SPSB1: variants seen among roughly 807,000 people sequenced by gnomAD.
SPSB1 encodes SPRY domain-containing SOCS box protein 1.
Under a neutral mutation model 21.2 loss-of-function variants are expected in SPSB1, and 8 were observed. The ratio of observed to expected loss-of-function variants is 0.38; its 90% CI spans 0.22 to 0.68. The LOEUF (loss-of-function observed/expected upper bound fraction) is 0.68. SPSB1 is among the 30% of genes least tolerant of loss of function. The pLI, the probability that SPSB1 is intolerant of heterozygous loss-of-function variation, is 0.53. For synonymous variants in SPSB1, 169 were observed against 161.7 expected, an observed-to-expected ratio of 1.05 and a Z score of -0.34; for missense variants, 242 against 377.8, an observed-to-expected ratio of 0.64 and a Z score of 2.98.
At chr1:9,294,162 GTC>G (rs552130868) in intron 1 of SPSB1, among the ~76,000 whole-genome samples, 74 of 145,366 alleles carry the variant, frequency 5.1e-4, no homozygotes, top group South Asian at 1.6e-3. Context: ...GCAAGTTTGT[GTC>G]TCTGAGTGTC....
chr1:9,364,499 A>G (rs2100523552), intron 2 of SPSB1, among the ~76,000 whole-genome samples: 1 of 152,352 alleles, frequency 6.6e-6, no homozygotes, highest in Non-Finnish European at 1.5e-5. Flanking sequence ...TGGAGTCACC[A>G]GGCTGGGTGT....
At position 9,318,733 on chromosome 1, in the gene SPSB1, C is replaced by T. The variant is rs566209369; in HGVS notation, c.-150+25662C>T. 2.0e-5 allele frequency among the ~76,000 whole-genome samples: 3 copies of T among 152,324 alleles called. No individual in the cohort carries two copies. In the East Asian group the frequency reaches 5.8e-4, roughly 29 times the overall value. ...TGTCCATTCAGCAATTCGGGCAGCT[C>T]ACTCAGATCAGGGCCTCTGTCAGGC... On this transcript the variant is annotated intron_variant, in intron 1 of 2. Transcript: ENST00000328089.
intron 1 of SPSB1, among the ~76,000 whole-genome samples, chr1:9,349,764 C>A (rs755147533): frequency 6.6e-6 from 1 of 152,228 alleles, no homozygotes; most frequent in African/African-American, 2.4e-5. Context: ...GAGTTCCCAA[C>A]CCACCGTTTT....
At chr1:9,298,400 GAGTGAACGAATGAATGAATA>G (rs1253203957) in intron 1 of SPSB1, among the ~76,000 whole-genome samples, 1 of 107,432 alleles carries the variant, frequency 9.3e-6, no homozygotes, top group African/African-American at 4.8e-5. Context: ...ATGAATGAAT[GAGTGAACGAATGAATGAATA>G]AGTGAACGAA....
chr1:9,356,290 G>A lies in SPSB1; in HGVS notation c.399G>A (p.Val133=), dbSNP rs745638586. 288 of 1,613,482 alleles carry A rather than the reference G, an allele frequency of 1.8e-4. No homozygotes were observed. The highest frequency in any genetic ancestry group is 2.3e-4 in the Non-Finnish European group (277 of 1,180,028). The stretch of plus-strand genomic sequence containing the variant: ...ACTCTGTCGGGTACACAACCCTCGT[G>A]GGGAATAACCACGAGTCCTGGGGCT... The part of the protein sequence containing the change: ...PLHSVGYTTL[V]GNNHESWGWD... The change falls in exon 2 of 3, where the codon GTG becomes GTA. Residue 133 remains valine (V), a synonymous_variant. Coordinates refer to ENST00000328089, the MANE Select transcript of SPSB1 (RefSeq NM_025106.4). This position sits in a 1 kb window ranked among gnomAD's most constrained non-coding sequence, Gnocchi z 7.4.
At position 9,367,239 on chromosome 1, in the gene SPSB1, G is replaced by C. The variant is rs1006449630; in HGVS notation, c.695-209G>C. On this transcript the variant is annotated intron_variant, in intron 2 of 2. Transcript: ENST00000328089. The surrounding 1 kb of genome is among the most constrained non-coding windows in gnomAD (Gnocchi z 5.9). The stretch of plus-strand genomic sequence containing the variant: ...TGTGAGGATTAAATGAGTGTTAGCA[G>C]AGGGCTCGCCCAGGTGCCCAGCCCA... Among the ~76,000 whole-genome samples the C allele has an allele frequency of 2.0e-5, 3 of 152,238 alleles. No individual in the cohort carries two copies. The highest frequency in any genetic ancestry group is 7.2e-5 in the African/African-American group (3 of 41,462).
chr1:9,328,759 C>T (rs1639866572), intron 1 of SPSB1, among the ~76,000 whole-genome samples: 1 of 152,230 alleles, frequency 6.6e-6, no homozygotes, highest in Non-Finnish European at 1.5e-5. Context: ...GTCTTTTCAC[C>T]TGAAGCTCAC....
intron 1 of SPSB1, among the ~76,000 whole-genome samples, chr1:9,314,831 G>C (rs1407816007): frequency 6.6e-6 from 1 of 152,206 alleles, no homozygotes; most frequent in Non-Finnish European, 1.5e-5. Flanking sequence ...GCCCCCCGGG[G>C]TCAGGAAGGA....
In SPSB1 at chr1:9,305,436, G is replaced by A. The variant is rs1490092814; in HGVS notation, c.-150+12365G>A. ...GGCTCCAGGAGGGCAGGACCCGGCC[G>A]GCCACATGGCTGTTGTTCACGGCTG... On this transcript the variant is annotated intron_variant, in intron 1 of 2. Coordinates refer to ENST00000328089, the MANE Select transcript of SPSB1 (RefSeq NM_025106.4). The surrounding 1 kb of genome is among the most constrained non-coding windows in gnomAD (Gnocchi z 4.8). 1.3e-5 allele frequency among the ~76,000 whole-genome samples: 2 copies of A among 152,302 alleles called. No homozygotes were observed. Among genetic ancestry groups the A allele is most frequent in the African/African-American group, 2.4e-5 (1 of 41,572 alleles).
chr1:9,353,685 G>A (rs1049683842), intron 1 of SPSB1, among the ~76,000 whole-genome samples: 11 of 152,192 alleles, frequency 7.2e-5, no homozygotes, highest in Non-Finnish European at 1.0e-4. Context: ...TTGGCAGGCC[G>A]AGGTGGGTGA....
intron 1 of SPSB1, among the ~76,000 whole-genome samples, chr1:9,347,636 C>T (rs945995636): frequency 6.6e-6 from 1 of 152,226 alleles, no homozygotes; most frequent in Non-Finnish European, 1.5e-5. Flanking sequence ...CATCGTGTTA[C>T]ATTTTCTGTT....
At chr1:9,343,598 T>C (rs759400809) in intron 1 of SPSB1, among the ~76,000 whole-genome samples, 2 of 152,196 alleles carry the variant, frequency 1.3e-5, no homozygotes, top group Non-Finnish European at 2.9e-5. Flanking sequence ...ATTCATAAGC[T>C]CATCACTCTA....
chr1:9,360,052 G>C (rs1640444452), intron 2 of SPSB1, among the ~76,000 whole-genome samples: 1 of 152,166 alleles, frequency 6.6e-6, no homozygotes, highest in Admixed American at 6.5e-5. Flanking sequence ...GACACATCCA[G>C]GGGGCCCTGC....
At chr1:9,357,564 T>C (rs1640393986) in intron 2 of SPSB1, among the ~76,000 whole-genome samples, 1 of 152,204 alleles carries the variant, frequency 6.6e-6, no homozygotes, top group African/African-American at 2.4e-5. Flanking sequence ...TTAGAGTCTT[T>C]CTCTTCTGCC....
rs1274904761 is a variant in SPSB1, at chr1:9,369,264, C to G, written c.*1689C>G. Reference sequence around the variant, plus strand: ...AGACTTTTAAAGATTTTCCTCCCTCCTGTTTCAGGTGGGTCACATTCTGAT... The same window carrying G: ...AGACTTTTAAAGATTTTCCTCCCTCGTGTTTCAGGTGGGTCACATTCTGAT... On this transcript the variant is annotated 3_prime_UTR_variant, in exon 3 of 3. Transcript: ENST00000328089. 1 of 152,134 alleles carries G rather than the reference C, an allele frequency of 6.6e-6. No individual in the cohort carries two copies. Among genetic ancestry groups the G allele is most frequent in the Admixed American group, 6.6e-5 (1 of 15,240 alleles). The allele number at this position is 152,134 out of a possible 1,614,324, so 9.4% of individuals were successfully genotyped here.
chr1:9,359,320 G>T (rs1640427225), intron 2 of SPSB1, among the ~76,000 whole-genome samples: 1 of 152,190 alleles, frequency 6.6e-6, no homozygotes, highest in Non-Finnish European at 1.5e-5. Context: ...GTGGTGATAG[G>T]GTGAGGCGCG....
intron 1 of SPSB1, among the ~76,000 whole-genome samples, chr1:9,307,223 T>C (rs750883425): frequency 2.0e-5 from 3 of 152,238 alleles, no homozygotes; most frequent in South Asian, 2.1e-4. Context: ...CCACTGTGCC[T>C]GGCCGTCTTT....
intron 2 of SPSB1, among the ~76,000 whole-genome samples, chr1:9,362,708 G>C (rs936055626): frequency 6.6e-6 from 1 of 152,240 alleles, no homozygotes; most frequent in Non-Finnish European, 1.5e-5. Flanking sequence ...ACAGTTGTGG[G>C]TTGGGGCTCT....
intron 1 of SPSB1, among the ~76,000 whole-genome samples, chr1:9,349,251 G>A (rs576212473): frequency 3.9e-5 from 6 of 152,308 alleles, no homozygotes; most frequent in African/African-American, 1.2e-4. Context: ...CCTGCATCCC[G>A]TTTTTCGCTC....
Sources: gnomAD v4.1 joint callset for allele counts (sites outside exome capture counted in the v4.1 genomes callset) on GRCh38, gnomAD v4.1.1 for gene constraint, Gnocchi (gnomAD v3.1) non-coding constraint, MANE v1.5 for transcripts, NCBI Gene and HGNC (gene_info 2026-07-23, HGNC 2026-07-21) for gene names.